Variants in CDHR3 observed in about 807,000 individuals in gnomAD.
The protein encoded by CDHR3 is cadherin-related family member 3.
A neutral mutation model predicts 86.6 loss-of-function variants in CDHR3; 79 were observed. That is an observed-to-expected ratio of 0.91 (90% confidence interval 0.76 to 1.10). The LOEUF is 1.10. CDHR3 is among the 50% of genes least tolerant of loss of function. CDHR3 has a pLI of 0.00. For synonymous variants in CDHR3, 421 were observed against 402.4 expected (o/e 1.05, Z -0.55); for missense variants, 1,081 against 1,077.6 (o/e 1.00, Z -0.04).
intron 12 of CDHR3, among the ~76,000 whole-genome samples, chr7:106,020,010 C>T (rs1053639367): frequency 6.6e-6 from 1 of 152,072 alleles, no homozygotes; most frequent in African/African-American, 2.4e-5. Flanking sequence ...GTGTCATCTG[C>T]AGGTGAGCCT....
intron 8 of CDHR3, among the ~76,000 whole-genome samples, chr7:106,011,790 G>C (rs1223058245): frequency 2.0e-5 from 3 of 152,228 alleles, no homozygotes; most frequent in Non-Finnish European, 4.4e-5. Context: ...AGCAAGCTGG[G>C]CTTGATCGGA....
chr7:106,016,718 A>G lies in CDHR3; in HGVS notation c.1426+693A>G, dbSNP rs142525956. On this transcript the variant is annotated intron_variant, in intron 11 of 18. Transcript: ENST00000317716. ...CCAAAACCAAAACGCTCCCTCTAAA[A>G]TGATCCATTCTCTTTAGGATGGTCT... Among the ~76,000 whole-genome samples the G allele has an allele frequency of 9.8e-4, 149 of 152,334 alleles. 1 individual carries two copies. The highest frequency in any genetic ancestry group is 3.3e-3 in the African/African-American group (139 of 41,588).
chr7:106,019,242 A>G (rs1228771648), intron 12 of CDHR3, among the ~76,000 whole-genome samples: 2 of 151,782 alleles, frequency 1.3e-5, no homozygotes, highest in Non-Finnish European at 2.9e-5. Flanking sequence ...TCTTAAACGG[A>G]GAGTCACCTG....
chr7:105,995,042 G>A (rs969762173), intron 5 of CDHR3, among the ~76,000 whole-genome samples, 197 bp downstream of exon 5: 1 of 152,228 alleles, frequency 6.6e-6, no homozygotes, highest in Admixed American at 6.5e-5. Flanking sequence ...GCCTCTTTTG[G>A]TCTCCAGAGA....
intron 13 of CDHR3, among the ~76,000 whole-genome samples, chr7:106,020,838 C>T (rs144313533): frequency 9.9e-5 from 15 of 152,198 alleles, no homozygotes; most frequent in Non-Finnish European, 2.2e-4. Flanking sequence ...ATCTAGCAGC[C>T]CCTATGCTTC....
At chr7:106,025,141 C>G (rs1837168200) in intron 15 of CDHR3, among the ~76,000 whole-genome samples, 2 of 152,170 alleles carry the variant, frequency 1.3e-5, no homozygotes, top group Admixed American at 6.5e-5. Flanking sequence ...TTGTGCCAAT[C>G]TGTGATGTGT....
chr7:106,007,618 AC>A (rs1017504372), intron 8 of CDHR3, among the ~76,000 whole-genome samples: 1 of 152,372 alleles, frequency 6.6e-6, no homozygotes, highest in Non-Finnish European at 1.5e-5. Flanking sequence ...CCAGTTCCCA[AC>A]AAGTTCCTCA....
chr7:106,003,745 C>T (rs924445634), intron 7 of CDHR3, among the ~76,000 whole-genome samples: 2 of 152,002 alleles, frequency 1.3e-5, no homozygotes, highest in Non-Finnish European at 2.9e-5. Context: ...CTTAGGCTTT[C>T]GGGCAAAAGA....
intron 16 of CDHR3, 139 bp from the exon 17 acceptor site, chr7:106,028,412 T>C (rs1837706464): frequency 5.4e-6 from 5 of 923,264 alleles, no homozygotes; most frequent in African/African-American, 4.9e-5. Flanking sequence ...GAAACATATC[T>C]ATAGACAGAA....
At chr7:106,015,887 A>G in intron 10 of CDHR3, 40 bp from the exon 11 acceptor site, 3 of 1,357,676 alleles carry the variant, frequency 2.2e-6, no homozygotes, top group Middle Eastern at 1.8e-4. Context: ...ATGGATGAGT[A>G]TGGATTTGTG....
intron 13 of CDHR3, among the ~76,000 whole-genome samples, chr7:106,021,652 A>G (rs1836591391): frequency 6.6e-6 from 1 of 152,114 alleles, no homozygotes; most frequent in African/African-American, 2.4e-5. Context: ...GTTCAGGAGG[A>G]CCTGGGACTG....
At chr7:106,012,629 A>C (rs1834985411) in intron 8 of CDHR3, among the ~76,000 whole-genome samples, 1 of 152,178 alleles carries the variant, frequency 6.6e-6, no homozygotes, top group South Asian at 2.1e-4. Context: ...GGAGCAGAGG[A>C]GTGACGTGAT....
intron 11 of CDHR3, among the ~76,000 whole-genome samples, chr7:106,017,054 G>T (rs1427046496): frequency 6.6e-6 from 1 of 152,056 alleles, no homozygotes; most frequent in Non-Finnish European, 1.5e-5. Context: ...AATGGAAGAG[G>T]ATTTAAAAAT....
At chr7:106,001,688 G>A (rs1295994427) in intron 7 of CDHR3, 78 bp downstream of exon 7, 48 of 1,564,408 alleles carry the variant, frequency 3.1e-5, no homozygotes, top group Non-Finnish European at 3.8e-5. Context: ...GTTGTCCCTC[G>A]TTACCCATGA....
intron 6 of CDHR3, among the ~76,000 whole-genome samples, chr7:105,997,652 A>G (rs2115766816): frequency 6.6e-6 from 1 of 151,670 alleles, no homozygotes; most frequent in South Asian, 2.1e-4. Flanking sequence ...GCATTCTTTG[A>G]CACCTTCCCC....
intron 9 of CDHR3, among the ~76,000 whole-genome samples, chr7:106,014,249 T>C (rs1200576797): frequency 6.6e-6 from 1 of 152,216 alleles, no homozygotes; most frequent in Admixed American, 6.5e-5. Flanking sequence ...ATATGAATTT[T>C]AGATACAGTA....
chr7:106,005,013 G>T (rs1833755932), intron 8 of CDHR3, among the ~76,000 whole-genome samples: 1 of 152,210 alleles, frequency 6.6e-6, no homozygotes, highest in African/African-American at 2.4e-5. Flanking sequence ...TCCCTGGACT[G>T]TGCCTGTTCT....
intron 8 of CDHR3, among the ~76,000 whole-genome samples, chr7:106,005,153 G>A (rs1833774990): frequency 6.6e-6 from 1 of 152,136 alleles, no homozygotes; most frequent in African/African-American, 2.4e-5. Flanking sequence ...ATCAAACCAA[G>A]TACTTAGGTA....
rs1305533572 is a variant in CDHR3, at chr7:106,034,443, G to A, written c.*1746G>A. Among the ~76,000 whole-genome samples, 1 of 152,222 alleles carries A rather than the reference G, an allele frequency of 6.6e-6. No individual in the cohort carries two copies. The highest frequency in any genetic ancestry group is 2.4e-5 in the African/African-American group (1 of 41,454). On this transcript the variant is annotated 3_prime_UTR_variant, in exon 19 of 19. Coordinates refer to ENST00000317716, the MANE Select transcript of CDHR3 (RefSeq NM_152750.5). ...CAGCAAATGTAGAGCTTCAGAGAGAGCAGCAGCTTGTTTACTGTGTGCCTA... is the reference window on the plus strand; with the variant it reads ...CAGCAAATGTAGAGCTTCAGAGAGAACAGCAGCTTGTTTACTGTGTGCCTA...
Sources: allele counts gnomAD v4.1 joint callset (sites outside exome capture counted in the v4.1 genomes callset), GRCh38; gene constraint gnomAD v4.1.1; transcripts MANE v1.5; gene names NCBI Gene and HGNC (gene_info 2026-07-23, HGNC 2026-07-21).